LIG1: variants seen among roughly 807,000 people sequenced by gnomAD.
LIG1 encodes the protein DNA ligase 1, also known as ligase I, DNA, ATP-dependent.
A neutral mutation model predicts 115.7 loss-of-function variants in LIG1; 70 were observed. That is an observed-to-expected ratio of 0.60 (90% CI 0.50 to 0.74). The LOEUF (loss-of-function observed/expected upper bound fraction) is 0.74, where lower values mean the gene tolerates loss of function less well. Among genes scored for constraint, LIG1 ranks in the 30% least tolerant of loss-of-function variants. The pLI is 0.00. For synonymous variants in LIG1, 487 were observed against 495.3 expected, an observed-to-expected ratio of 0.98 and a Z score of 0.22; for missense variants, 1,115 against 1,225.6, an observed-to-expected ratio of 0.91 and a Z score of 1.35.
Position 48,160,532 on chromosome 19 carries a change from C to A in LIG1, c.243+840G>T, listed in dbSNP as rs182265324. On this transcript the variant is annotated intron_variant, in intron 4 of 27. Transcript: ENST00000263274. ...TGGCTTTGGCCTGTGGTGGTAATAC[C>A]AGGGGGTTTGGGCAGGGAGTCACAG... 9.6e-4 allele frequency among the ~76,000 whole-genome samples: 146 copies of A among 152,144 alleles called. 1 individual carries two copies. Among genetic ancestry groups the A allele is most frequent in the African/African-American group, 3.5e-3 (146 of 41,496 alleles).
At chr19:48,120,548 C>A in intron 24 of LIG1, 1 of 985,126 alleles carries the variant, frequency 1.0e-6, no homozygotes, top group Non-Finnish European at 1.2e-6. Flanking sequence ...AAAATGTGCA[C>A]AGCTTTAAGA....
intron 9 of LIG1, among the ~76,000 whole-genome samples, chr19:48,148,925 G>A (rs1254345255): frequency 1.3e-5 from 2 of 152,210 alleles, no homozygotes; most frequent in African/African-American, 4.8e-5. Context: ...GTTCATCCTC[G>A]TGGGCCGCCC....
Position 48,137,884 on chromosome 19 carries a change from G to A in LIG1, c.1088-196C>T, listed in dbSNP as rs2034499821. On this transcript the variant is annotated intron_variant, in intron 12 of 27. Transcript: ENST00000263274. This position sits in a 1 kb window ranked among gnomAD's most constrained non-coding sequence, Gnocchi z 4.3. ...CCCCCAGCCACGCTGGCTGTAGGAAGTCAGCAAACATGCACGTGGAGCCAG... is the reference window on the plus strand; with the variant it reads ...CCCCCAGCCACGCTGGCTGTAGGAAATCAGCAAACATGCACGTGGAGCCAG... The A allele has an allele frequency of 9.0e-6, 6 of 664,168 alleles. No homozygotes were observed. The allele number at this position is 664,168 out of a possible 1,614,324, so 41.1% of individuals were successfully genotyped here. A position where few individuals can be genotyped will look rare whatever the true frequency, so the allele number is the denominator to read the frequency against.
chr19:48,149,658 C>G, intron 9 of LIG1, 105 bp downstream of exon 9: 1 of 884,494 alleles, frequency 1.1e-6, no homozygotes, highest in Non-Finnish European at 1.9e-6. Flanking sequence ...AAAAGGTTTG[C>G]CAAGTCCTGC....
chr19:48,121,840 G>A (rs934580344), intron 23 of LIG1, among the ~76,000 whole-genome samples: 6 of 152,132 alleles, frequency 3.9e-5, no homozygotes, highest in Non-Finnish European at 8.8e-5. Flanking sequence ...AATGGGAAAC[G>A]CAGGCGGGAT....
At chr19:48,138,407 A>G (rs1179107591) in intron 12 of LIG1, among the ~76,000 whole-genome samples, 1 of 152,238 alleles carries the variant, frequency 6.6e-6, no homozygotes, top group African/African-American at 2.4e-5. Context: ...GCAATCCGTA[A>G]TGAACGAACA....
In LIG1 at chr19:48,122,714, C is replaced by T. The variant is rs1040324048; in HGVS notation, c.2232+220G>A. 2.0e-5 allele frequency among the ~76,000 whole-genome samples: 3 copies of T among 152,162 alleles called. No homozygotes were observed. Among genetic ancestry groups the T allele is most frequent in the South Asian group, 2.1e-4 (1 of 4,828 alleles). On this transcript the variant is annotated intron_variant, in intron 23 of 27. Coordinates refer to ENST00000263274, the MANE Select transcript of LIG1 (RefSeq NM_000234.3). The surrounding 1 kb of genome is among the most constrained non-coding windows in gnomAD (Gnocchi z 4.3). ...ATCACGCTGCACCTCGTGGGATGTG[C>T]GGTGCTTGGGCTGGGGCTGTTCTCC...
intron 19 of LIG1, among the ~76,000 whole-genome samples, chr19:48,129,532 G>C (rs2033883056): frequency 6.6e-6 from 1 of 152,204 alleles, no homozygotes; most frequent in African/African-American, 2.4e-5. Context: ...CCAGCATGGG[G>C]CCTAGCTCGG....
chr19:48,119,357 G>C lies in LIG1; in HGVS notation c.2386-167C>G, dbSNP rs189137877. ...GCTGGGGGTGCGGAGCATCCATCCA[G>C]AGACTCCCGGGTGGGAATGTTCTCC... On this transcript the variant is annotated intron_variant, in intron 24 of 27. Transcript: ENST00000263274. Among the ~76,000 whole-genome samples the C allele has an allele frequency of 1.4e-4, 21 of 152,206 alleles. No individual in the cohort carries two copies. The East Asian group carries it at 3.7e-3, about 27-fold the overall frequency.
chr19:48,122,943 G>C lies in LIG1; in HGVS notation c.2223C>G (p.Asn741Lys), dbSNP rs1159828605. Residue 741 changes from asparagine to lysine, a missense_variant, in exon 23 of 28, where the codon AAC becomes AAG. Asn to Lys is a moderately conservative substitution (Grantham distance 94). Coordinates refer to ENST00000263274, the MANE Select transcript of LIG1 (RefSeq NM_000234.3). This position sits in a 1 kb window ranked among gnomAD's most constrained non-coding sequence, Gnocchi z 4.3. ...GGGGGTCGAGAATCACCTTGAGCCAGTTGTGCGATCTCTTGGCGATCTCGT... is the reference window on the plus strand; with the variant it reads ...GGGGGTCGAGAATCACCTTGAGCCACTTGTGCGATCTCTTGGCGATCTCGT... ...ATYEIAKRSH[N>K]WLKLKKDYLD... 1 of 1,613,626 alleles carries C rather than the reference G, an allele frequency of 6.2e-7. No individual in the cohort carries two copies. Among genetic ancestry groups the C allele is most frequent in the Non-Finnish European group, 8.5e-7 (1 of 1,179,906 alleles).
chr19:48,165,873 T>C (rs2036454172), intron 1 of LIG1: 2 of 500,758 alleles, frequency 4.0e-6, no homozygotes, highest in Non-Finnish European at 7.2e-6. Context: ...TTTCATCTAA[T>C]ATGAGGAATA....
At chr19:48,149,121 C>T (rs1402081415) in intron 9 of LIG1, among the ~76,000 whole-genome samples, 3 of 152,162 alleles carry the variant, frequency 2.0e-5, no homozygotes, top group African/African-American at 7.2e-5. Flanking sequence ...ACCAGCCTGA[C>T]CAATACGGTG....
At chr19:48,145,687 A>G (rs998263033) in intron 9 of LIG1, among the ~76,000 whole-genome samples, 4 of 152,158 alleles carry the variant, frequency 2.6e-5, no homozygotes, top group African/African-American at 9.7e-5. Flanking sequence ...AGGGGAGTCT[A>G]GAGCCAGTCA....
At chr19:48,133,420 T>G in intron 17 of LIG1, 1 of 384,380 alleles carries the variant, frequency 2.6e-6, no homozygotes, top group Non-Finnish European at 4.9e-6. Flanking sequence ...GTGAGCCACA[T>G]TTGATCACAG....
chr19:48,130,315 C>T lies in LIG1; in HGVS notation c.1821+761G>A, dbSNP rs62130986. Among the ~76,000 whole-genome samples the T allele has an allele frequency of 4.9e-3, 747 of 152,342 alleles. 2 individuals carry two copies. The highest frequency in any genetic ancestry group is 8.9e-3 in the Non-Finnish European group (605 of 68,038). ...AACAGGCAGAATGATGGGCACCGTG[C>T]CCCCTGCTTTCTTAAATAACTTATT... is the stretch of plus-strand genomic sequence containing the variant. On this transcript the variant is annotated intron_variant, in intron 19 of 27. Transcript: ENST00000263274.
chr19:48,118,192 G>A (rs1211285579), intron 25 of LIG1, among the ~76,000 whole-genome samples: 3 of 152,132 alleles, frequency 2.0e-5, no homozygotes, highest in Non-Finnish European at 4.4e-5. Flanking sequence ...GGGCAATGGA[G>A]AGAGAGAACC....
chr19:48,136,039 C>A lies in LIG1; in HGVS notation c.1418G>T (p.Gly473Val). The change falls in exon 15 of 28, where the codon GGC becomes GTC. Residue 473 changes from glycine (G) to valine (V), a missense_variant. By Grantham distance (109) the Gly-to-Val change is moderately radical (BLOSUM62 -3). Transcript: ENST00000263274. Reference protein sequence around the residue: ...LSQAVSLTPPGQEFPPAMVDA... With the variant: ...LSQAVSLTPPVQEFPPAMVDA... The stretch of plus-strand genomic sequence containing the variant: ...GACGGGCCACAGGAGCTCACCTTGG[C>A]CCGGGGGCGTGAGGCTCACTGCCTG... The A allele has an allele frequency of 6.4e-7, 1 of 1,562,798 alleles. No homozygotes were observed. Among genetic ancestry groups the A allele is most frequent in the Non-Finnish European group, 8.7e-7 (1 of 1,154,296 alleles).
At chr19:48,153,822 A>T (rs1270217716) in intron 6 of LIG1, 50 bp downstream of exon 6, 6 of 376,438 alleles carry the variant, frequency 1.6e-5, no homozygotes, top group South Asian at 3.3e-5. Flanking sequence ...TCTTGGCTTC[A>T]CACACACACA....
chr19:48,123,042 C>T (rs372372340), intron 22 of LIG1, 26 bp from the exon 23 acceptor site: 101 of 1,612,910 alleles, frequency 6.3e-5, no homozygotes, highest in Non-Finnish European at 8.1e-5. Context: ...AAGCGTGGTC[C>T]TTGGGAAGCC....
Sources: allele counts gnomAD v4.1 joint callset (sites outside exome capture counted in the v4.1 genomes callset), GRCh38; gene constraint gnomAD v4.1.1; non-coding constraint Gnocchi (gnomAD v3.1); transcripts MANE v1.5; gene names NCBI Gene and HGNC (gene_info 2026-07-23, HGNC 2026-07-21).